Variants in HYDIN observed in about 807,000 individuals in gnomAD.
The protein encoded by HYDIN is HYDIN axonemal central pair apparatus protein.
A neutral mutation model predicts 403.9 loss-of-function variants in HYDIN; 132 were observed. The observed-to-expected ratio is 0.33, with a 90% confidence interval of 0.28 to 0.38. The LOEUF (loss-of-function observed/expected upper bound fraction) is 0.38, where lower values mean the gene tolerates loss of function less well. HYDIN is among the 10% of genes least tolerant of loss of function. The probability of loss-of-function intolerance (pLI) is 1.00; values close to 1 mark genes in which losing one functional copy is unlikely to be tolerated. For missense variants in HYDIN, 2,827 were observed against 5,009.5 expected (o/e 0.56, Z 13.15); for synonymous variants, 1,202 against 1,891.7 (o/e 0.64, Z 9.46).
chr16:70,961,154 A>T (rs2078406203), intron 38 of HYDIN, among the ~76,000 whole-genome samples: 2 of 152,006 alleles, frequency 1.3e-5, no homozygotes, highest in Admixed American at 1.3e-4. Context: ...TCAGCCCTGG[A>T]GGAGCCCAGG....
At chr16:71,100,254 T>C (rs2083416186) in intron 10 of HYDIN, among the ~76,000 whole-genome samples, 1 of 152,208 alleles carries the variant, frequency 6.6e-6, no homozygotes, top group African/African-American at 2.4e-5. Context: ...AATGAATAAA[T>C]AGAGAACTAG....
chr16:71,072,583 G>C (rs1398469145), intron 13 of HYDIN, among the ~76,000 whole-genome samples: 1 of 149,920 alleles, frequency 6.7e-6, no homozygotes, highest in Non-Finnish European at 1.5e-5. Flanking sequence ...CATAAAAATA[G>C]TATTACTGAT....
intron 8 of HYDIN, among the ~76,000 whole-genome samples, chr16:71,130,560 T>C (rs1229772726): frequency 7.3e-6 from 1 of 137,592 alleles, no homozygotes; most frequent in African/African-American, 2.7e-5. Flanking sequence ...CAATCTCGGC[T>C]CACTGCAAGC....
At chr16:70,993,340 G>A (rs1170009126) in intron 23 of HYDIN, among the ~76,000 whole-genome samples, 25 of 151,800 alleles carry the variant, frequency 1.6e-4, no homozygotes, top group Admixed American at 1.6e-3. Flanking sequence ...TAAACAGAAT[G>A]TTTCCATCAT....
intron 8 of HYDIN, among the ~76,000 whole-genome samples, chr16:71,135,554 T>C (rs1254903611): frequency 6.8e-6 from 1 of 146,188 alleles, no homozygotes; most frequent in Non-Finnish European, 1.5e-5. Flanking sequence ...CAAAGGGTTA[T>C]GCCCACAGGA....
chr16:71,229,230 C>T (rs2041174760), intron 1 of HYDIN, among the ~76,000 whole-genome samples: 1 of 151,906 alleles, frequency 6.6e-6, no homozygotes, highest in African/African-American at 2.4e-5. Flanking sequence ...GGGTGCAGCA[C>T]ACCAATATGG....
chr16:71,125,302 C>T (rs2084411407), intron 9 of HYDIN, among the ~76,000 whole-genome samples: 1 of 152,102 alleles, frequency 6.6e-6, no homozygotes, highest in African/African-American at 2.4e-5. Flanking sequence ...AAATTTTAGT[C>T]CTGCATTTGC....
At chr16:70,877,902 C>T (rs1210641612) in intron 62 of HYDIN, among the ~76,000 whole-genome samples, 1 of 151,880 alleles carries the variant, frequency 6.6e-6, no homozygotes, top group Non-Finnish European at 1.5e-5. Flanking sequence ...AACTCTATAG[C>T]CAGTAAAAAC....
chr16:71,049,073 C>A (rs887667431), intron 18 of HYDIN, among the ~76,000 whole-genome samples: 2 of 152,396 alleles, frequency 1.3e-5, no homozygotes, highest in East Asian at 1.9e-4. Context: ...CTAGGTATAG[C>A]TTTACTCCAA....
intron 47 of HYDIN, among the ~76,000 whole-genome samples, chr16:70,911,717 CA>C (rs1231792889): frequency 2.6e-5 from 4 of 152,112 alleles, no homozygotes; most frequent in Admixed American, 6.5e-5. Context: ...GTCATTTTCA[CA>C]ATATTGATTC....
Position 70,889,586 on chromosome 16 carries a change from C to T in HYDIN, c.9774+1G>A. On this transcript the variant is annotated splice_donor_variant, in intron 58 of 85. Transcript: ENST00000393567. LOFTEE classifies it high-confidence loss of function. ...GTAAGAACAGGGAAAAGGACACGCACCTGGCCTGTGGTGGTTACTTCTTTC... is the reference window on the plus strand; with the variant it reads ...GTAAGAACAGGGAAAAGGACACGCATCTGGCCTGTGGTGGTTACTTCTTTC... 3.6e-6 allele frequency: 2 copies of T among 561,056 alleles called. No individual in the cohort carries two copies. Among genetic ancestry groups the T allele is most frequent in the Non-Finnish European group, 6.1e-6 (2 of 328,534 alleles). 34.8% of individuals were successfully genotyped at this position (561,056 alleles called of 1,614,324 possible).
intron 23 of HYDIN, among the ~76,000 whole-genome samples, chr16:71,002,821 GCA>G (rs2079764165): frequency 6.6e-6 from 1 of 151,118 alleles, no homozygotes; most frequent in South Asian, 2.1e-4. Context: ...GGGATTACAG[GCA>G]CATGCCACCA....
At chr16:71,139,252 C>A (rs1388023053) in intron 7 of HYDIN, among the ~76,000 whole-genome samples, 1 of 152,048 alleles carries the variant, frequency 6.6e-6, no homozygotes, top group East Asian at 1.9e-4. Context: ...TGGTTAGACA[C>A]TTGGTGAAAG....
At chr16:70,849,695 T>G (rs1461718426) in intron 75 of HYDIN, 31 bp downstream of exon 75, 1 of 1,041,962 alleles carries the variant, frequency 9.6e-7, no homozygotes, top group Non-Finnish European at 1.5e-6. Flanking sequence ...GAGAGTACTT[T>G]TGGAGTTTGG....
chr16:70,977,280 A>T (rs2144003898), intron 30 of HYDIN, among the ~76,000 whole-genome samples: 1 of 145,224 alleles, frequency 6.9e-6, no homozygotes, highest in South Asian at 2.4e-4. Flanking sequence ...CATGCACTTC[A>T]CTTCTGTAAA....
chr16:71,179,339 GA>G (rs11415972), intron 3 of HYDIN, among the ~76,000 whole-genome samples: 37 of 136,314 alleles, frequency 2.7e-4, no homozygotes, highest in Non-Finnish European at 3.9e-4. Context: ...TTTAAATCCT[GA>G]AAAAAAAAAA....
At chr16:71,202,566 A>C (rs967444768) in intron 1 of HYDIN, among the ~76,000 whole-genome samples, 6 of 152,132 alleles carry the variant, frequency 3.9e-5, no homozygotes, top group African/African-American at 1.4e-4. Flanking sequence ...AGAAATCCTG[A>C]GCATATTAAT....
intron 5 of HYDIN, among the ~76,000 whole-genome samples, chr16:71,163,365 C>T (rs1046398421): frequency 6.6e-6 from 1 of 152,104 alleles, no homozygotes; most frequent in Non-Finnish European, 1.5e-5. Context: ...CCTCGTGATC[C>T]GCCTGCCTCG....
chr16:70,957,135 G>C (rs1248708007), intron 39 of HYDIN, among the ~76,000 whole-genome samples: 1 of 151,306 alleles, frequency 6.6e-6, no homozygotes, highest in Non-Finnish European at 1.5e-5. Flanking sequence ...TAACTCCCCA[G>C]TACCCACCAC....
Sources: allele counts gnomAD v4.1 joint callset (sites outside exome capture counted in the v4.1 genomes callset), GRCh38; gene constraint gnomAD v4.1.1; transcripts MANE v1.5; gene names NCBI Gene and HGNC (gene_info 2026-07-23, HGNC 2026-07-21).